The following CPLX4 variants were observed in gnomAD, a reference collection of about 807,000 sequenced individuals.
CPLX4 encodes complexin 4.
Under a neutral mutation model 16.1 loss-of-function variants are expected in CPLX4, and 17 were observed. That is an observed-to-expected ratio of 1.06 (90% CI 0.72 to 1.59). The LOEUF is 1.59. Among genes scored for constraint, CPLX4 ranks in the 40% most tolerant of loss-of-function variants. CPLX4 has a pLI of 0.00. For synonymous variants in CPLX4, 55 were observed against 57.8 expected (o/e 0.95, Z 0.22); for missense variants, 193 against 192.9 (o/e 1.00, Z 0.00).
At chr18:59,307,208 C>T (rs946366657) in intron 2 of CPLX4, among the ~76,000 whole-genome samples, 10 of 152,122 alleles carry the variant, frequency 6.6e-5, no homozygotes, top group Admixed American at 5.2e-4. Context: ...TTGTGACCTT[C>T]GGAACGTCCC....
chr18:59,298,835 C>G (rs1422364667), intron 2 of CPLX4, among the ~76,000 whole-genome samples: 1 of 152,204 alleles, frequency 6.6e-6, no homozygotes, highest in Admixed American at 6.5e-5. Context: ...GGGGCTGAAG[C>G]CCAGCTGCCT....
intron 2 of CPLX4, among the ~76,000 whole-genome samples, chr18:59,298,806 T>A (rs577381553): frequency 6.6e-6 from 1 of 152,328 alleles, no homozygotes; most frequent in South Asian, 2.1e-4. Context: ...TCTAACACTC[T>A]GTGGCTCCCA....
chr18:59,307,730 C>T (rs914928891), intron 2 of CPLX4, among the ~76,000 whole-genome samples: 5 of 150,856 alleles, frequency 3.3e-5, no homozygotes, highest in East Asian at 2.0e-4. Flanking sequence ...CCCTACACCT[C>T]GCATCCCCAC....
intron 2 of CPLX4, among the ~76,000 whole-genome samples, chr18:59,309,683 A>C (rs1183240933): frequency 1.3e-5 from 2 of 151,738 alleles, no homozygotes; most frequent in East Asian, 1.9e-4. Flanking sequence ...ATTAGCCAGG[A>C]GTGGTGGTGG....
chr18:59,302,963 T>C (rs1206216016), intron 2 of CPLX4, among the ~76,000 whole-genome samples: 1 of 152,226 alleles, frequency 6.6e-6, no homozygotes, highest in African/African-American at 2.4e-5. Flanking sequence ...GTCCACAGGA[T>C]ACCAAAAGCT....
chr18:59,307,834 C>T (rs1184435232), intron 2 of CPLX4, among the ~76,000 whole-genome samples: 2 of 149,814 alleles, frequency 1.3e-5, no homozygotes, highest in Non-Finnish European at 1.5e-5. Context: ...TCACTGCAGC[C>T]TCTGCATCCC....
At chr18:59,317,255 T>A (rs1407638265) in intron 1 of CPLX4, among the ~76,000 whole-genome samples, 1 of 152,160 alleles carries the variant, frequency 6.6e-6, no homozygotes, top group African/African-American at 2.4e-5. Flanking sequence ...ATGTAATTGA[T>A]CATTAGCAAA....
chr18:59,312,701 T>A lies in CPLX4; in HGVS notation c.239A>T (p.Lys80Ile). ...RACLRVHLRE[K>I]YRLPKSEMDE... ...GTGTCTTACCTTTGGGAGCCTGTATTTTTCTCTGAGATGAACTCTGAGGCA... is the reference window on the plus strand; with the variant it reads ...GTGTCTTACCTTTGGGAGCCTGTATATTTCTCTGAGATGAACTCTGAGGCA... The change falls in exon 2 of 3, where the codon AAA becomes ATA. Residue 80 changes from lysine to isoleucine, a missense_variant. Lys to Ile is a moderately radical substitution (Grantham distance 102). Transcript: ENST00000299721. 7.3e-7 allele frequency: 1 copy of A among 1,364,494 alleles called. No homozygotes were observed. Among genetic ancestry groups the A allele is most frequent in the Non-Finnish European group, 1.1e-6 (1 of 952,174 alleles). 84.5% of individuals were successfully genotyped at this position (1,364,494 alleles called of 1,614,324 possible). A position where few individuals can be genotyped will look rare whatever the true frequency, so the allele number is the denominator to read the frequency against.
intron 2 of CPLX4, among the ~76,000 whole-genome samples, chr18:59,300,881 A>C (rs1407895877): frequency 6.6e-6 from 1 of 152,158 alleles, no homozygotes; most frequent in African/African-American, 2.4e-5. Flanking sequence ...AGCCAGGCTT[A>C]GTCATTTCCT....
intron 2 of CPLX4, among the ~76,000 whole-genome samples, chr18:59,311,828 A>G (rs1237677982): frequency 1.3e-5 from 2 of 152,188 alleles, no homozygotes; most frequent in Non-Finnish European, 2.9e-5. Flanking sequence ...CAACATGTCA[A>G]CGCATTCCCT....
chr18:59,303,359 C>T (rs187839201), intron 2 of CPLX4, among the ~76,000 whole-genome samples: 1 of 152,274 alleles, frequency 6.6e-6, no homozygotes, highest in African/African-American at 2.4e-5. Context: ...CTGTGCACAT[C>T]TCATACCTCT....
At chr18:59,314,862 A>G (rs1489054188) in intron 1 of CPLX4, among the ~76,000 whole-genome samples, 2 of 152,224 alleles carry the variant, frequency 1.3e-5, no homozygotes, top group Non-Finnish European at 2.9e-5. Flanking sequence ...GCTGAGTAGT[A>G]AGTATTCTAT....
rs1056187408 is a variant in CPLX4, at chr18:59,296,681, T to C, written c.*17A>G. ...TTCCAAGGATGGCTGGTTCCCTCCCTCCACCCCTCCCACCCCTCACATCAC... is the reference window on the plus strand; with the variant it reads ...TTCCAAGGATGGCTGGTTCCCTCCCCCCACCCCTCCCACCCCTCACATCAC... On this transcript the variant is annotated 3_prime_UTR_variant, in exon 3 of 3. Transcript: ENST00000299721. 7.5e-7 allele frequency: 1 copy of C among 1,327,234 alleles called. No individual in the cohort carries two copies. The highest frequency in any genetic ancestry group is 1.1e-6 in the Non-Finnish European group (1 of 938,630). The allele number at this position is 1,327,234 out of a possible 1,614,324, so 82.2% of individuals were successfully genotyped here. A position where few individuals can be genotyped will look rare whatever the true frequency, so the allele number is the denominator to read the frequency against.
chr18:59,307,638 C>A (rs370779003), intron 2 of CPLX4, among the ~76,000 whole-genome samples: 1 of 152,168 alleles, frequency 6.6e-6, no homozygotes, highest in Admixed American at 6.5e-5. Context: ...GCTTGTCAAT[C>A]ACATCTCTTA....
chr18:59,318,574 A>G lies in CPLX4; in HGVS notation c.-112T>C. On this transcript the variant is annotated 5_prime_UTR_variant, in exon 1 of 3. Transcript: ENST00000299721. ...ATTCTCAATGACAGCAATACATTTA[A>G]GAGCAAAGGACTTTGCACAACCTCA... 6.9e-7 allele frequency: 1 copy of G among 1,455,068 alleles called. No individual in the cohort carries two copies. Among genetic ancestry groups the G allele is most frequent in the Non-Finnish European group, 9.0e-7 (1 of 1,110,500 alleles). 90.1% of individuals were successfully genotyped at this position (1,455,068 alleles called of 1,614,324 possible).
chr18:59,301,156 A>T (rs1306584659), intron 2 of CPLX4, among the ~76,000 whole-genome samples: 3 of 152,196 alleles, frequency 2.0e-5, no homozygotes, highest in Non-Finnish European at 4.4e-5. Flanking sequence ...ACAGATCTGC[A>T]TCGGAGGCCT....
chr18:59,306,050 T>C (rs2070574961), intron 2 of CPLX4, among the ~76,000 whole-genome samples: 1 of 151,550 alleles, frequency 6.6e-6, no homozygotes, highest in African/African-American at 2.4e-5. Context: ...AGACAGACCC[T>C]GAACATCTGG....
At chr18:59,313,944 C>A (rs931688615) in intron 1 of CPLX4, among the ~76,000 whole-genome samples, 1 of 152,212 alleles carries the variant, frequency 6.6e-6, no homozygotes, top group South Asian at 2.1e-4. Context: ...TAAAACAAAT[C>A]CCCTGTTTTC....
chr18:59,304,924 AGT>A (rs56041280), intron 2 of CPLX4, among the ~76,000 whole-genome samples: 6,412 of 142,094 alleles, frequency 0.045, 190 homozygotes, highest in East Asian at 0.14. Flanking sequence ...CTCAACAATC[AGT>A]GTGTGTGTGT....
Sources: allele counts gnomAD v4.1 joint callset (sites outside exome capture counted in the v4.1 genomes callset), GRCh38; gene constraint gnomAD v4.1.1; transcripts MANE v1.5; gene names NCBI Gene and HGNC (gene_info 2026-07-23, HGNC 2026-07-21).